STK32C: variants seen among roughly 807,000 people sequenced by gnomAD.
STK32C encodes serine/threonine-protein kinase 32C.
A neutral mutation model predicts 56.5 loss-of-function variants in STK32C; 31 were observed. That is an observed-to-expected ratio of 0.55 (90% CI 0.41 to 0.74). STK32C has a LOEUF of 0.74. STK32C is among the 30% of genes least tolerant of loss of function. The probability of loss-of-function intolerance (pLI) is 0.00; values close to 1 mark genes in which losing one functional copy is unlikely to be tolerated. For synonymous variants in STK32C, 309 were observed against 289.4 expected (o/e 1.07, Z -0.69); for missense variants, 544 against 676.9 (o/e 0.80, Z 2.18).
intron 10 of STK32C, 162 bp from the exon 11 acceptor site, chr10:132,209,263 C>G (rs755426449): frequency 6.9e-6 from 5 of 719,516 alleles, no homozygotes; most frequent in African/African-American, 6.9e-5. Flanking sequence ...AGCCAGACTG[C>G]CCGGGAGCTC....
At position 132,228,012 on chromosome 10, in the gene STK32C, C is replaced by T. The variant is rs549452270; in HGVS notation, c.435G>A (p.Leu145=). The T allele has an allele frequency of 6.2e-6, 10 of 1,613,808 alleles. No individual in the cohort carries two copies. Among genetic ancestry groups the T allele is most frequent in the South Asian group, 5.5e-5 (5 of 91,090 alleles). The change falls in exon 3 of 12, where the codon CTG becomes CTA. Residue 145 remains leucine (L), a synonymous_variant. Transcript: ENST00000298630. ...VRNVFRELEI[L]QEIEHVFLVN... ...CCAGGAAGACGTGCTCGATCTCCTG[C>T]AGGATCTCCAGCTCCCGGAAGACGT...
chr10:132,263,789 C>T (rs1210903289), intron 1 of STK32C, among the ~76,000 whole-genome samples: 1 of 147,980 alleles, frequency 6.8e-6, no homozygotes, highest in Non-Finnish European at 1.5e-5. Context: ...CTGCTTGAAC[C>T]TGGGAGGCAG....
At position 132,255,437 on chromosome 10, in the gene STK32C, G is replaced by A. The variant is rs2064081180; in HGVS notation, c.263-9482C>T. ...CACAGACCCCTCACCCTCTTGCCAT[G>A]GCCTGCGGGAACAAAGACCCACCAC... On this transcript the variant is annotated intron_variant, in intron 1 of 11. Transcript: ENST00000298630. The surrounding 1 kb of genome is among the most constrained non-coding windows in gnomAD (Gnocchi z 4.6). 6.6e-6 allele frequency among the ~76,000 whole-genome samples: 1 copy of A among 152,138 alleles called. No homozygotes were observed. The highest frequency in any genetic ancestry group is 2.4e-5 in the African/African-American group (1 of 41,410).
chr10:132,236,627 A>G (rs921680149), intron 2 of STK32C, among the ~76,000 whole-genome samples: 1 of 152,196 alleles, frequency 6.6e-6, no homozygotes, highest in East Asian at 1.9e-4. Context: ...TTTCCACACC[A>G]GAACGGCTCA....
intron 1 of STK32C, among the ~76,000 whole-genome samples, chr10:132,266,065 G>A (rs1398286138): frequency 6.6e-6 from 1 of 152,110 alleles, no homozygotes; most frequent in African/African-American, 2.4e-5. Context: ...GTCAAATACT[G>A]GAAATAACCC....
intron 11 of STK32C, 49 bp downstream of exon 11, chr10:132,208,985 C>CAT: frequency 6.3e-7 from 1 of 1,578,380 alleles, no homozygotes; most frequent in Non-Finnish European, 8.7e-7. Context: ...ACCTTAGCCC[C>CAT]ATTTTCCTCC....
intron 1 of STK32C, among the ~76,000 whole-genome samples, chr10:132,264,325 C>T (rs1476156522): frequency 2.0e-5 from 3 of 152,344 alleles, no homozygotes; most frequent in Admixed American, 2.0e-4. Flanking sequence ...TGGAGGGACA[C>T]CTGGTCATCA....
intron 1 of STK32C, among the ~76,000 whole-genome samples, chr10:132,306,597 G>C (rs1040472537): frequency 2.0e-5 from 3 of 152,200 alleles, no homozygotes; most frequent in African/African-American, 4.8e-5. Flanking sequence ...ATTATTTATC[G>C]CAAGTAAATA....
At chr10:132,262,925 T>C (rs1355515694) in intron 1 of STK32C, among the ~76,000 whole-genome samples, 18 of 151,926 alleles carry the variant, frequency 1.2e-4, no homozygotes, top group Admixed American at 1.2e-3. Flanking sequence ...CGACTGTTAT[T>C]AAAAAGTCAT....
At chr10:132,234,667 C>G (rs1411434692) in intron 2 of STK32C, among the ~76,000 whole-genome samples, 1 of 152,198 alleles carries the variant, frequency 6.6e-6, no homozygotes, top group Non-Finnish European at 1.5e-5. Context: ...GATGCCGGGG[C>G]AGGTGTGGCT....
chr10:132,227,593 ATGGTGGTGGTGATGGCGATGATGG>A (rs964449412), intron 3 of STK32C, among the ~76,000 whole-genome samples: 6 of 149,450 alleles, frequency 4.0e-5, no homozygotes, highest in Non-Finnish European at 5.9e-5. Flanking sequence ...TGCAGTGGTG[ATGGTGGTGGTGATGGCGATGATGG>A]TGGTGATGGT....
At chr10:132,310,421 C>T (rs930792424), upstream of STK32C, among the ~76,000 whole-genome samples, 4 of 152,204 alleles carry the variant, frequency 2.6e-5, no homozygotes, top group African/African-American at 9.7e-5. This position sits in a 1 kb window ranked among gnomAD's most constrained non-coding sequence, Gnocchi z 4.6. Flanking sequence ...CAGGCAAACA[C>T]AAGACTGAGC....
chr10:132,275,722 C>G (rs1323561961), intron 1 of STK32C, among the ~76,000 whole-genome samples: 1 of 152,218 alleles, frequency 6.6e-6, no homozygotes, highest in Non-Finnish European at 1.5e-5. Flanking sequence ...ACACCACCTT[C>G]TCTCAGGCTC....
chr10:132,232,415 C>T (rs1318799115), intron 2 of STK32C, among the ~76,000 whole-genome samples: 7 of 152,120 alleles, frequency 4.6e-5, no homozygotes, highest in Non-Finnish European at 1.0e-4. Context: ...CGAGCGGTGG[C>T]GTAAAGCCCT....
chr10:132,310,235 C>A (rs1257635540), upstream of STK32C, among the ~76,000 whole-genome samples: 2 of 152,216 alleles, frequency 1.3e-5, no homozygotes, highest in African/African-American at 4.8e-5. The surrounding 1 kb of genome is among the most constrained non-coding windows in gnomAD (Gnocchi z 4.6). Flanking sequence ...AGCCAGGCAC[C>A]TGCCTCTCAG....
chr10:132,265,162 A>AGGGC (rs2064465334), intron 1 of STK32C, among the ~76,000 whole-genome samples: 2 of 106,262 alleles, frequency 1.9e-5, no homozygotes, highest in Admixed American at 8.8e-5. Flanking sequence ...GGGAGCTGCC[A>AGGGC]GGGCGGCGAG....
intron 1 of STK32C, among the ~76,000 whole-genome samples, chr10:132,287,689 G>A (rs2065448891): frequency 2.0e-5 from 3 of 151,852 alleles, no homozygotes; most frequent in Admixed American, 2.0e-4. Flanking sequence ...CTGACCTCAG[G>A]TGATCCACCT....
At chr10:132,275,985 C>T (rs1487094381) in intron 1 of STK32C, among the ~76,000 whole-genome samples, 1 of 152,152 alleles carries the variant, frequency 6.6e-6, no homozygotes, top group Non-Finnish European at 1.5e-5. Context: ...GCATGCGGAA[C>T]GGTCACAGTG....
chr10:132,280,430 C>T (rs1281383355), intron 1 of STK32C, among the ~76,000 whole-genome samples: 1 of 148,184 alleles, frequency 6.7e-6, no homozygotes, highest in Non-Finnish European at 1.5e-5. Context: ...CACACCACTG[C>T]ACTCCGTGAT....
Sources: allele counts gnomAD v4.1 joint callset (sites outside exome capture counted in the v4.1 genomes callset), GRCh38; gene constraint gnomAD v4.1.1; non-coding constraint Gnocchi (gnomAD v3.1); transcripts MANE v1.5; gene names NCBI Gene and HGNC (gene_info 2026-07-23, HGNC 2026-07-21).